The following EML4 variants were observed in gnomAD, a reference collection of about 807,000 sequenced individuals.
EML4 encodes EMAP like 4.
A neutral mutation model predicts 129.0 loss-of-function variants in EML4; 72 were observed. The observed-to-expected ratio is 0.56, with a 90% CI of 0.46 to 0.68. EML4 has a LOEUF of 0.68. Among genes scored for constraint, EML4 ranks in the 30% least tolerant of loss-of-function variants. The pLI, the probability that EML4 is intolerant of heterozygous loss-of-function variation, is 0.00. For missense variants in EML4, 1,363 were observed against 1,190.6 expected, an observed-to-expected ratio of 1.14 and a Z score of -2.13; for synonymous variants, 532 against 405.0, an observed-to-expected ratio of 1.31 and a Z score of -3.77.
At chr2:42,326,772 C>T (rs1480954295) in intron 21 of EML4, among the ~76,000 whole-genome samples, 5 of 152,108 alleles carry the variant, frequency 3.3e-5, no homozygotes, top group Admixed American at 6.5e-5. Context: ...ATCCCAGTTA[C>T]GTGGGAGGCT....
intron 1 of EML4, among the ~76,000 whole-genome samples, chr2:42,231,690 C>T (rs1422174728): frequency 6.6e-6 from 1 of 152,230 alleles, no homozygotes; most frequent in Non-Finnish European, 1.5e-5. Flanking sequence ...TGGCTCACAC[C>T]TGTAGTCCCA....
chr2:42,228,412 CT>C (rs1674115083), intron 1 of EML4, among the ~76,000 whole-genome samples: 1 of 152,138 alleles, frequency 6.6e-6, no homozygotes, highest in African/African-American at 2.4e-5. Context: ...TAGATTTCCT[CT>C]GGGTCTTTCT....
chr2:42,185,141 G>C lies in EML4; in HGVS notation c.25+15505G>C, dbSNP rs144949002. Among the ~76,000 whole-genome samples, 494 of 152,092 alleles carry C rather than the reference G, an allele frequency of 3.2e-3. 2 individuals carry two copies. The highest frequency in any genetic ancestry group is 0.011 in the African/African-American group (474 of 41,486). ...CATTTTATAAAGAAACTGAGTTGAA[G>C]AGAGAGAAAGTAATTTGCTCGGGAT... On this transcript the variant is annotated intron_variant, in intron 1 of 22. Transcript: ENST00000318522.
chr2:42,270,473 G>A (rs748527028), intron 6 of EML4, among the ~76,000 whole-genome samples: 15 of 152,102 alleles, frequency 9.9e-5, no homozygotes, highest in Non-Finnish European at 8.8e-5. Flanking sequence ...TGGGAGGATG[G>A]CTTGAATGCA....
At chr2:42,317,567 T>C in intron 19 of EML4, 43 bp downstream of exon 19, 2 of 1,417,176 alleles carry the variant, frequency 1.4e-6, no homozygotes, top group Non-Finnish European at 2.0e-6. Context: ...ATTGGGAAAT[T>C]TTACTTCCGT....
intron 1 of EML4, among the ~76,000 whole-genome samples, chr2:42,206,349 G>A (rs1672537358): frequency 6.6e-6 from 1 of 152,108 alleles, no homozygotes; most frequent in Non-Finnish European, 1.5e-5. Flanking sequence ...AAGTAGCTGG[G>A]CCTATAAGTG....
intron 1 of EML4, among the ~76,000 whole-genome samples, chr2:42,179,036 G>T (rs1004528791): frequency 4.6e-5 from 7 of 152,138 alleles, no homozygotes; most frequent in South Asian, 2.1e-4. Flanking sequence ...TACTTGTAAG[G>T]GGGGGAAACA....
At chr2:42,270,843 G>A (rs1423699796) in intron 6 of EML4, among the ~76,000 whole-genome samples, 2 of 152,168 alleles carry the variant, frequency 1.3e-5, no homozygotes, top group Non-Finnish European at 2.9e-5. Flanking sequence ...CAGAAAGGAC[G>A]GAAGACCAAT....
chr2:42,236,364 A>G (rs996936677), intron 1 of EML4, among the ~76,000 whole-genome samples: 1 of 152,178 alleles, frequency 6.6e-6, no homozygotes, highest in Non-Finnish European at 1.5e-5. Context: ...TTTTATGATG[A>G]ACTATGCTGC....
intron 6 of EML4, among the ~76,000 whole-genome samples, chr2:42,265,827 C>G (rs1168516993): frequency 6.6e-6 from 1 of 152,144 alleles, no homozygotes; most frequent in East Asian, 1.9e-4. Context: ...TAACTTCTGG[C>G]TACTTGCTGT....
intron 1 of EML4, among the ~76,000 whole-genome samples, chr2:42,212,878 C>G (rs891959229): frequency 1.3e-5 from 2 of 152,204 alleles, no homozygotes; most frequent in African/African-American, 2.4e-5. Flanking sequence ...AAGCACTTGA[C>G]TAAGAGTCTG....
chr2:42,233,268 C>T (rs1346669537), intron 1 of EML4, among the ~76,000 whole-genome samples: 1 of 150,868 alleles, frequency 6.6e-6, no homozygotes, highest in Non-Finnish European at 1.5e-5. Context: ...AGCTTAAAAG[C>T]AACAAAAAGA....
chr2:42,223,012 G>T (rs1406221294), intron 1 of EML4, among the ~76,000 whole-genome samples: 1 of 152,054 alleles, frequency 6.6e-6, no homozygotes, highest in Non-Finnish European at 1.5e-5. Flanking sequence ...TATTAGTCAG[G>T]ATGGTCTCGA....
intron 2 of EML4, among the ~76,000 whole-genome samples, chr2:42,248,838 T>C (rs1381819425): frequency 6.6e-6 from 1 of 152,150 alleles, no homozygotes; most frequent in African/African-American, 2.4e-5. Context: ...TATATAATAA[T>C]TTGAGAAAAT....
intron 17 of EML4, among the ~76,000 whole-genome samples, chr2:42,309,398 C>T (rs561883040): frequency 1.9e-4 from 27 of 143,616 alleles, no homozygotes; most frequent in Admixed American, 5.0e-4. Flanking sequence ...GATGACAGAG[C>T]GAGACCCTTT....
chr2:42,216,642 C>T (rs1308602719), intron 1 of EML4, among the ~76,000 whole-genome samples: 1 of 152,114 alleles, frequency 6.6e-6, no homozygotes, highest in Non-Finnish European at 1.5e-5. Flanking sequence ...CATATCTCTA[C>T]AGTTGTTGCT....
intron 1 of EML4, among the ~76,000 whole-genome samples, chr2:42,245,177 C>G (rs916208830): frequency 2.9e-5 from 4 of 139,334 alleles, no homozygotes; most frequent in South Asian, 2.4e-4. Flanking sequence ...TCACTGCACC[C>G]TCCACCTCCG....
chr2:42,217,075 T>C (rs2104072196), intron 1 of EML4, among the ~76,000 whole-genome samples: 1 of 152,344 alleles, frequency 6.6e-6, no homozygotes, highest in African/African-American at 2.4e-5. Context: ...ACCAATATTC[T>C]GACAGTCAAT....
At chr2:42,178,185 G>C (rs1424848317) in intron 1 of EML4, among the ~76,000 whole-genome samples, 3 of 152,168 alleles carry the variant, frequency 2.0e-5, no homozygotes, top group African/African-American at 7.2e-5. Flanking sequence ...ATGTAAAGAA[G>C]TGATTTTATA....
Sources: allele counts gnomAD v4.1 joint callset (sites outside exome capture counted in the v4.1 genomes callset), GRCh38; gene constraint gnomAD v4.1.1; transcripts MANE v1.5; gene names NCBI Gene and HGNC (gene_info 2026-07-23, HGNC 2026-07-21).